The following NXPE4 variants were observed in gnomAD, a reference collection of about 807,000 sequenced individuals.
The protein encoded by NXPE4 is neurexophilin and PC-esterase domain family member 4, also known as NXPE family member 4.
NXPE4 carries 42 observed loss-of-function variants against 33.3 expected under a neutral mutation model. That is an observed-to-expected ratio of 1.26 (90% CI 0.98 to 1.63). The LOEUF (loss-of-function observed/expected upper bound fraction) is 1.63, where lower values mean the gene tolerates loss of function less well. Ranked by LOEUF, NXPE4 falls within the 40% of genes most tolerant of loss-of-function variation. The pLI, the probability that NXPE4 is intolerant of heterozygous loss-of-function variation, is 0.00. For synonymous variants in NXPE4, 253 were observed against 234.9 expected (o/e 1.08, Z -0.71); for missense variants, 709 against 647.6 (o/e 1.09, Z -1.03).
intron 5 of NXPE4, among the ~76,000 whole-genome samples, chr11:114,574,363 C>A (rs891691219): frequency 3.3e-5 from 5 of 151,514 alleles, no homozygotes; most frequent in African/African-American, 1.2e-4. Context: ...AAGATCAGAG[C>A]AGAAGTAAAT....
chr11:114,629,984 AAGG>A, the NXPE4 span, among the ~76,000 whole-genome samples: 3 of 150,814 alleles, frequency 2.0e-5, no homozygotes, highest in Non-Finnish European at 1.5e-5. Context: ...GGAACTCTTC[AAGG>A]AGAACTACAA....
Position 114,580,316 on chromosome 11 carries a change from C to T in NXPE4, c.915G>A (p.Glu305=). The T allele has an allele frequency of 6.2e-7, 1 of 1,613,970 alleles. No individual in the cohort carries two copies. The highest frequency in any genetic ancestry group is 8.5e-7 in the Non-Finnish European group (1 of 1,179,884). Residue 305 remains glutamate (E), a synonymous_variant, in exon 5 of 6, where the codon GAG becomes GAA. Coordinates refer to ENST00000375478, the MANE Select transcript of NXPE4 (RefSeq NM_001077639.2). Reference sequence around the variant, plus strand: ...TGGATGTCATTCCAAACTTGCATTTCTCTTTCATTGCAACTGTTTCTTCTG... The same window carrying T: ...TGGATGTCATTCCAAACTTGCATTTTTCTTTCATTGCAACTGTTTCTTCTG... ...KCNKETVAMK[E]KCKFGMTSTI...
intron 5 of NXPE4, among the ~76,000 whole-genome samples, chr11:114,579,376 C>G (rs1949085250): frequency 6.6e-6 from 1 of 152,172 alleles, no homozygotes; most frequent in Non-Finnish European, 1.5e-5. Flanking sequence ...AGGGGACAAT[C>G]AGTCAAACTA....
chr11:114,650,910 G>A, the NXPE4 span, among the ~76,000 whole-genome samples: 1 of 152,216 alleles, frequency 6.6e-6, no homozygotes, highest in East Asian at 1.9e-4. Flanking sequence ...TGGAGGGGCA[G>A]CCTGGTAATA....
chr11:114,659,267 G>A, the NXPE4 span, among the ~76,000 whole-genome samples: 5 of 152,132 alleles, frequency 3.3e-5, no homozygotes, highest in African/African-American at 1.2e-4. Context: ...CCATAGTAAA[G>A]AGCAAGGCAA....
the NXPE4 span, among the ~76,000 whole-genome samples, chr11:114,665,319 G>A: frequency 2.6e-5 from 4 of 151,998 alleles, no homozygotes; most frequent in Non-Finnish European, 5.9e-5. Context: ...TTAGAATGTC[G>A]TGGTTATAAG....
intron 5 of NXPE4, among the ~76,000 whole-genome samples, chr11:114,575,973 A>C (rs1006147191): frequency 6.6e-6 from 1 of 152,238 alleles, no homozygotes; most frequent in Non-Finnish European, 1.5e-5. Context: ...ATAGTCACTG[A>C]AACAGCATGG....
chr11:114,587,277 G>A (rs891214320), intron 2 of NXPE4, among the ~76,000 whole-genome samples: 1 of 152,138 alleles, frequency 6.6e-6, no homozygotes, highest in African/African-American at 2.4e-5. Flanking sequence ...GTTCTTTTAA[G>A]GCACCTATTC....
chr11:114,636,853 T>C, the NXPE4 span, among the ~76,000 whole-genome samples: 1 of 152,160 alleles, frequency 6.6e-6, no homozygotes, highest in Non-Finnish European at 1.5e-5. Context: ...TCTGTTCTTT[T>C]ACATTTTCTG....
chr11:114,674,752 A>C, the NXPE4 span, among the ~76,000 whole-genome samples: 1 of 151,832 alleles, frequency 6.6e-6, no homozygotes, highest in Non-Finnish European at 1.5e-5. Context: ...AACTCTTCCC[A>C]AACTCTTCCA....
chr11:114,634,877 T>G, the NXPE4 span, among the ~76,000 whole-genome samples: 1 of 152,038 alleles, frequency 6.6e-6, no homozygotes, highest in Non-Finnish European at 1.5e-5. Flanking sequence ...CCGTGTAGTA[T>G]AGTTTGAAGT....
the NXPE4 span, among the ~76,000 whole-genome samples, chr11:114,614,630 A>T: frequency 6.6e-6 from 1 of 151,632 alleles, no homozygotes; most frequent in Non-Finnish European, 1.5e-5. Context: ...TACCTGGTGG[A>T]TTATAAGTAT....
At chr11:114,622,652 A>G in the NXPE4 span, among the ~76,000 whole-genome samples, 4 of 152,032 alleles carry the variant, frequency 2.6e-5, no homozygotes, top group African/African-American at 9.7e-5. Context: ...CTCGTGGGTA[A>G]CCAGTGTTAC....
chr11:114,630,559 C>T, the NXPE4 span, among the ~76,000 whole-genome samples: 5 of 151,548 alleles, frequency 3.3e-5, no homozygotes, highest in African/African-American at 1.2e-4. Flanking sequence ...AGACCTAAAA[C>T]CATAAAAACC....
intron 5 of NXPE4, among the ~76,000 whole-genome samples, chr11:114,577,342 T>G (rs542976957): frequency 6.6e-6 from 1 of 151,894 alleles, no homozygotes; most frequent in East Asian, 1.9e-4. Flanking sequence ...ATGTGGGAAC[T>G]AAGCTATGAG....
At chr11:114,637,905 T>C in the NXPE4 span, among the ~76,000 whole-genome samples, 1 of 152,036 alleles carries the variant, frequency 6.6e-6, no homozygotes, top group African/African-American at 2.4e-5. Context: ...CATTTTTTCC[T>C]TCCTTTCAAC....
chr11:114,644,035 G>A, the NXPE4 span, among the ~76,000 whole-genome samples: 2 of 151,238 alleles, frequency 1.3e-5, no homozygotes, highest in East Asian at 1.9e-4. Context: ...ATTGTGAATG[G>A]GAGTTCACTA....
the NXPE4 span, among the ~76,000 whole-genome samples, chr11:114,659,611 A>T: frequency 3.5e-4 from 54 of 152,180 alleles, no homozygotes; most frequent in African/African-American, 1.3e-3. Context: ...GAATACTAGA[A>T]AATATTTTTA....
intron 2 of NXPE4, chr11:114,583,395 A>C (rs991677505): frequency 4.8e-6 from 3 of 628,960 alleles, no homozygotes; most frequent in Non-Finnish European, 9.1e-6. Context: ...TATGGTTTCT[A>C]CTGAAAAATG....
Sources: gnomAD v4.1 joint callset for allele counts (sites outside exome capture counted in the v4.1 genomes callset) on GRCh38, gnomAD v4.1.1 for gene constraint, MANE v1.5 for transcripts, NCBI Gene and HGNC (gene_info 2026-07-23, HGNC 2026-07-21) for gene names.